SHISA9: variants seen among roughly 807,000 people sequenced by gnomAD.
SHISA9 encodes protein shisa-9.
SHISA9 carries 13 observed loss-of-function variants against 38.0 expected under a neutral mutation model. The observed-to-expected ratio is 0.34, with a 90% CI of 0.22 to 0.54. SHISA9 has a LOEUF of 0.54. Ranked by LOEUF, SHISA9 falls within the 20% of genes least tolerant of loss-of-function variation. The pLI is 0.91. For missense variants in SHISA9, 538 were observed against 575.8 expected (o/e 0.93, Z 0.67); for synonymous variants, 275 against 242.0 (o/e 1.14, Z -1.27).
the SHISA9 span, among the ~76,000 whole-genome samples, chr16:13,338,497 A>T: frequency 1.3e-5 from 2 of 151,988 alleles, no homozygotes; most frequent in African/African-American, 2.4e-5. Flanking sequence ...TAGGAAGAGG[A>T]GACATCATAG....
At chr16:12,933,602 C>A (rs558713149) in intron 2 of SHISA9, among the ~76,000 whole-genome samples, 2 of 152,116 alleles carry the variant, frequency 1.3e-5, no homozygotes, top group Non-Finnish European at 2.9e-5. Flanking sequence ...CCAGAATTGT[C>A]TTTTAATAGT....
the SHISA9 span, among the ~76,000 whole-genome samples, chr16:13,514,209 G>T: frequency 2.0e-5 from 3 of 151,790 alleles, no homozygotes; most frequent in African/African-American, 7.3e-5. Context: ...TGGTCAGGCT[G>T]GTCTTGAACT....
intron 2 of SHISA9, among the ~76,000 whole-genome samples, chr16:12,964,105 G>T (rs1223288459): frequency 6.6e-6 from 1 of 152,186 alleles, no homozygotes; most frequent in Non-Finnish European, 1.5e-5. Flanking sequence ...CCAGGCCCTA[G>T]GTCTGTTCTG....
chr16:13,364,741 G>T, the SHISA9 span, among the ~76,000 whole-genome samples: 1 of 152,280 alleles, frequency 6.6e-6, no homozygotes, highest in Middle Eastern at 3.4e-3. Flanking sequence ...TTCCCTGGAC[G>T]ATAATCACTT....
the SHISA9 span, among the ~76,000 whole-genome samples, chr16:13,368,126 C>T: frequency 6.6e-6 from 1 of 152,090 alleles, no homozygotes; most frequent in African/African-American, 2.4e-5. Context: ...GTCAATCAAC[C>T]AGCCCTTAAA....
At chr16:13,037,846 C>A (rs1434104615) in intron 2 of SHISA9, among the ~76,000 whole-genome samples, 1 of 152,172 alleles carries the variant, frequency 6.6e-6, no homozygotes, top group Non-Finnish European at 1.5e-5. Context: ...TCTTTATAAG[C>A]ATCAAGGGTC....
At chr16:13,541,907 C>T in the SHISA9 span, among the ~76,000 whole-genome samples, 1 of 152,166 alleles carries the variant, frequency 6.6e-6, no homozygotes, top group Non-Finnish European at 1.5e-5. Context: ...CGAATGCTGC[C>T]CCTCAAATTC....
At chr16:13,165,853 A>T (rs1422137367) in intron 2 of SHISA9, among the ~76,000 whole-genome samples, 3 of 152,224 alleles carry the variant, frequency 2.0e-5, no homozygotes, top group Non-Finnish European at 2.9e-5. Flanking sequence ...CCAATAAATC[A>T]TGTCAACAGA....
chr16:13,252,103 A>T, the SHISA9 span, among the ~76,000 whole-genome samples: 1 of 152,148 alleles, frequency 6.6e-6, no homozygotes, highest in African/African-American at 2.4e-5. Context: ...CAAAATCCTT[A>T]AATCAAAGTC....
In SHISA9 at chr16:13,195,812, G is replaced by C. The variant is rs563340368; in HGVS notation, c.692-7582G>C. Among the ~76,000 whole-genome samples the C allele has an allele frequency of 2.1e-3, 317 of 152,230 alleles. 1 individual carries two copies. Among genetic ancestry groups the C allele is most frequent in the African/African-American group, 7.1e-3 (294 of 41,540 alleles). On this transcript the variant is annotated intron_variant, in intron 2 of 4. Coordinates refer to ENST00000558583, the MANE Select transcript of SHISA9 (RefSeq NM_001145204.3). ...TATGAGACAAATTCCGTTTGGCCAG[G>C]CGTGGTGGCTCACGCCTGTAATCTC...
Position 13,216,058 on chromosome 16 carries a change from G to T in SHISA9, c.895+2758G>T, listed in dbSNP as rs190851566. 1.3e-4 allele frequency among the ~76,000 whole-genome samples: 20 copies of T among 152,094 alleles called. No individual in the cohort carries two copies. In the East Asian group the frequency reaches 3.7e-3, roughly 28 times the overall value. On this transcript the variant is annotated intron_variant, in intron 4 of 4. Coordinates refer to ENST00000558583, the MANE Select transcript of SHISA9 (RefSeq NM_001145204.3). ...CAAAATTAGCCAGGCGTGGTGGCAC[G>T]TGCCTGTAGTCCCAGCTACTCAGGA... is the stretch of plus-strand genomic sequence containing the variant.
chr16:13,386,076 A>T, the SHISA9 span, among the ~76,000 whole-genome samples: 7 of 152,198 alleles, frequency 4.6e-5, no homozygotes, highest in Middle Eastern at 3.2e-3. Flanking sequence ...GTGCCCATGG[A>T]TATATGAACC....
intron 2 of SHISA9, among the ~76,000 whole-genome samples, chr16:13,090,316 G>A (rs868727817): frequency 6.6e-6 from 1 of 152,146 alleles, no homozygotes; most frequent in South Asian, 2.1e-4. Context: ...TATCTGTTAG[G>A]TCTCCTTTTT....
the SHISA9 span, among the ~76,000 whole-genome samples, chr16:13,432,476 C>T: frequency 6.6e-6 from 1 of 152,146 alleles, no homozygotes; most frequent in African/African-American, 2.4e-5. Context: ...CTAAAGTATT[C>T]CAGAGTTTGC....
At chr16:12,998,197 G>A (rs754967764) in intron 2 of SHISA9, among the ~76,000 whole-genome samples, 19 of 152,314 alleles carry the variant, frequency 1.2e-4, no homozygotes, top group Non-Finnish European at 1.5e-4. Context: ...GATAGTAAGA[G>A]GAACATATAG....
the SHISA9 span, among the ~76,000 whole-genome samples, chr16:13,485,781 C>T: frequency 2.0e-5 from 3 of 152,184 alleles, no homozygotes; most frequent in African/African-American, 4.8e-5. Flanking sequence ...AACTTTTCTT[C>T]ATCTCTCCAC....
the SHISA9 span, among the ~76,000 whole-genome samples, chr16:13,475,731 C>A: frequency 8.4e-4 from 128 of 152,072 alleles, no homozygotes; most frequent in Non-Finnish European, 1.4e-3. Flanking sequence ...TACAACTCAC[C>A]ACAATGTAGA....
At chr16:13,100,609 C>T (rs539653935) in intron 2 of SHISA9, among the ~76,000 whole-genome samples, 8 of 152,266 alleles carry the variant, frequency 5.3e-5, no homozygotes, top group Middle Eastern at 3.4e-3. Flanking sequence ...AAGTTGACTC[C>T]TTGTTCGGGG....
At chr16:13,407,999 C>T in the SHISA9 span, among the ~76,000 whole-genome samples, 2 of 152,122 alleles carry the variant, frequency 1.3e-5, no homozygotes, top group South Asian at 2.1e-4. Context: ...AACATGTGCA[C>T]ATGGTCAGGG....
Sources: allele counts gnomAD v4.1 joint callset (sites outside exome capture counted in the v4.1 genomes callset), GRCh38; gene constraint gnomAD v4.1.1; transcripts MANE v1.5; gene names NCBI Gene and HGNC (gene_info 2026-07-23, HGNC 2026-07-21).